Variants in SPON1 observed in about 807,000 individuals in gnomAD.
SPON1 encodes the protein spondin 1.
In SPON1, 52 loss-of-function variants were observed where a neutral mutation model predicts 111.7. The ratio of observed to expected loss-of-function variants is 0.47; its 90% CI spans 0.37 to 0.59. SPON1 has a LOEUF of 0.59. Among genes scored for constraint, SPON1 ranks in the 20% least tolerant of loss-of-function variants. SPON1 has a pLI of 0.00. For missense variants in SPON1, 957 were observed against 1,068.5 expected, an observed-to-expected ratio of 0.90 and a Z score of 1.46; for synonymous variants, 410 against 395.8, an observed-to-expected ratio of 1.04 and a Z score of -0.43.
intron 5 of SPON1, among the ~76,000 whole-genome samples, chr11:14,081,565 T>C (rs1848962331): frequency 6.6e-6 from 1 of 152,094 alleles, no homozygotes; most frequent in Non-Finnish European, 1.5e-5. Flanking sequence ...TTGTTTGGGT[T>C]GCGTGTTGCC....
chr11:14,074,927 T>A (rs1457879667), intron 3 of SPON1, among the ~76,000 whole-genome samples: 1 of 152,176 alleles, frequency 6.6e-6, no homozygotes, highest in South Asian at 2.1e-4. Flanking sequence ...CTTTTTCCCC[T>A]TCACAAAGAG....
At chr11:14,189,308 C>A (rs1319311808) in intron 6 of SPON1, among the ~76,000 whole-genome samples, 1 of 152,214 alleles carries the variant, frequency 6.6e-6, no homozygotes, top group Admixed American at 6.5e-5. Context: ...ATCAAACATT[C>A]TTTTCTTCGA....
rs782455805 is a variant in SPON1, at chr11:14,266,748, G to C, written c.*1061G>C. The stretch of plus-strand genomic sequence containing the variant: ...TTATATGCAGAGAGAAAAAGTTACC[G>C]AGACAGAAAACAAATCTAAGGGAAA... On this transcript the variant is annotated 3_prime_UTR_variant, in exon 16 of 16. Coordinates refer to ENST00000576479, the MANE Select transcript of SPON1 (RefSeq NM_006108.4). 7 of 152,040 alleles carry C rather than the reference G, an allele frequency of 4.6e-5. No homozygotes were observed. The highest frequency in any genetic ancestry group is 1.9e-4 in the East Asian group (1 of 5,192). The allele number at this position is 152,040 out of a possible 1,614,324, so 9.4% of individuals were successfully genotyped here.
intron 1 of SPON1, among the ~76,000 whole-genome samples, chr11:13,981,525 A>G (rs559922088): frequency 8.5e-5 from 13 of 152,254 alleles, no homozygotes; most frequent in African/African-American, 2.9e-4. Context: ...ACGGGGTTTC[A>G]CCGTGTTAGC....
intron 3 of SPON1, among the ~76,000 whole-genome samples, chr11:14,045,531 T>C (rs909276464): frequency 6.6e-6 from 1 of 151,778 alleles, no homozygotes; most frequent in Non-Finnish European, 1.5e-5. Context: ...TTAGCTGAGA[T>C]CCTGCCACTG....
At chr11:14,193,217 G>A (rs1421122824) in intron 6 of SPON1, among the ~76,000 whole-genome samples, 1 of 152,168 alleles carries the variant, frequency 6.6e-6, no homozygotes, top group Non-Finnish European at 1.5e-5. Context: ...CAAGTGTGGT[G>A]AGAAACAGGG....
At chr11:14,189,081 A>G (rs1238436939) in intron 6 of SPON1, among the ~76,000 whole-genome samples, 2 of 152,198 alleles carry the variant, frequency 1.3e-5, no homozygotes, top group African/African-American at 4.8e-5. Context: ...CTCAGAATCT[A>G]TTGTTAGGAA....
chr11:14,056,768 G>A (rs1286940887), intron 3 of SPON1, among the ~76,000 whole-genome samples: 1 of 152,172 alleles, frequency 6.6e-6, no homozygotes, highest in Non-Finnish European at 1.5e-5. Flanking sequence ...GCGGGCATCT[G>A]TAGTCCCAGC....
intron 3 of SPON1, among the ~76,000 whole-genome samples, chr11:14,062,243 AG>A (rs1351636448): frequency 6.6e-6 from 1 of 152,180 alleles, no homozygotes; most frequent in Non-Finnish European, 1.5e-5. Context: ...GTCAGCAGGA[AG>A]GCAACCCCAA....
At chr11:14,045,640 A>C (rs2133815812) in intron 3 of SPON1, among the ~76,000 whole-genome samples, 1 of 148,546 alleles carries the variant, frequency 6.7e-6, no homozygotes, top group South Asian at 2.1e-4. Context: ...ATTATATTTA[A>C]AATATAGCTT....
At chr11:14,096,772 T>G (rs1849104788) in intron 5 of SPON1, among the ~76,000 whole-genome samples, 1 of 152,182 alleles carries the variant, frequency 6.6e-6, no homozygotes, top group African/African-American at 2.4e-5. Context: ...AAATGTCCCT[T>G]CATCAAACTC....
intron 3 of SPON1, among the ~76,000 whole-genome samples, chr11:14,046,672 T>C (rs1469614009): frequency 6.6e-6 from 1 of 152,228 alleles, no homozygotes; most frequent in Admixed American, 6.5e-5. Flanking sequence ...ATTAGTCTTC[T>C]AGTTCAAACT....
At chr11:14,007,272 G>GAT (rs1554913255) in intron 2 of SPON1, among the ~76,000 whole-genome samples, 1 of 152,110 alleles carries the variant, frequency 6.6e-6, no homozygotes, top group Non-Finnish European at 1.5e-5. Flanking sequence ...ACTGATAGGA[G>GAT]ATATATATGT....
intron 6 of SPON1, among the ~76,000 whole-genome samples, chr11:14,162,976 G>A (rs7942069): frequency 0.39 from 59,694 of 152,008 alleles, 11,980 homozygotes; most frequent in East Asian, 0.55. Context: ...GTTATTTTGA[G>A]TATAGTTATT....
rs188729814 is a variant in SPON1, at chr11:13,986,174, A to G, written c.345+3221A>G. Among the ~76,000 whole-genome samples the G allele has an allele frequency of 7.9e-5, 12 of 152,330 alleles. No individual in the cohort carries two copies. In the East Asian group the frequency reaches 2.3e-3, roughly 29 times the overall value. ...AAGGAGTCCTCCTTGTCATCATCCC[A>G]TAAACTGACCTCTGTTGCTGAAAGT... On this transcript the variant is annotated intron_variant, in intron 2 of 15. Coordinates refer to ENST00000576479, the MANE Select transcript of SPON1 (RefSeq NM_006108.4).
chr11:13,995,452 T>G (rs1848263956), intron 2 of SPON1, among the ~76,000 whole-genome samples: 1 of 152,102 alleles, frequency 6.6e-6, no homozygotes, highest in Admixed American at 6.5e-5. Flanking sequence ...GCAGTCACCT[T>G]CTTCATAAGG....
Position 14,265,690 on chromosome 11 carries a change from A to AG in SPON1, c.*6dup. The AG allele has an allele frequency of 6.2e-7, 1 of 1,612,998 alleles. No homozygotes were observed. The highest frequency in any genetic ancestry group is 2.2e-5 in the East Asian group (1 of 44,884). ...CATGCAATGTTCATCCTTGTTAGCA[A>AG]GGGTACGAGTTCCCCAGGGCTGCAC... On this transcript the variant is annotated 3_prime_UTR_variant, in exon 16 of 16. Transcript: ENST00000576479.
At chr11:14,078,533 A>C (rs1228602969) in intron 4 of SPON1, among the ~76,000 whole-genome samples, 1 of 152,114 alleles carries the variant, frequency 6.6e-6, no homozygotes, top group Non-Finnish European at 1.5e-5. Flanking sequence ...TCTCTTTCCT[A>C]TCTATGCAGA....
At chr11:14,204,987 G>A (rs545203148) in intron 6 of SPON1, among the ~76,000 whole-genome samples, 9 of 152,030 alleles carry the variant, frequency 5.9e-5, no homozygotes, top group Non-Finnish European at 1.0e-4. Flanking sequence ...GCGCCTGGCC[G>A]ATCCTCCCTA....
Sources: gnomAD v4.1 joint callset for allele counts (sites outside exome capture counted in the v4.1 genomes callset) on GRCh38, gnomAD v4.1.1 for gene constraint, MANE v1.5 for transcripts, NCBI Gene and HGNC (gene_info 2026-07-23, HGNC 2026-07-21) for gene names.